Variants in DDX46 observed in about 807,000 individuals in gnomAD.
The protein encoded by DDX46 is DEAD-box helicase 46.
A neutral mutation model predicts 134.9 loss-of-function variants in DDX46; 30 were observed. The ratio of observed to expected loss-of-function variants is 0.22; its 90% CI spans 0.17 to 0.30. DDX46 has a LOEUF of 0.30. DDX46 is among the 10% of genes least tolerant of loss of function. The pLI is 1.00. For missense variants in DDX46, 622 were observed against 1,248.7 expected (o/e 0.50, Z 7.56); for synonymous variants, 415 against 404.1 (o/e 1.03, Z -0.32).
At chr5:134,779,660 G>A (rs146918192) in intron 6 of DDX46, among the ~76,000 whole-genome samples, 19 of 151,544 alleles carry the variant, frequency 1.3e-4, no homozygotes, top group African/African-American at 4.4e-4. Flanking sequence ...CACCACATCT[G>A]GCTAATTGTT....
chr5:134,788,475 A>T, intron 11 of DDX46, 38 bp from the exon 12 acceptor site: 4 of 1,535,324 alleles, frequency 2.6e-6, no homozygotes, highest in Non-Finnish European at 3.6e-6. Flanking sequence ...TTAAGTAAGC[A>T]TTAGTAATAG....
At chr5:134,795,891 A>C (rs925357511) in intron 14 of DDX46, 97 bp from the exon 15 acceptor site, 1 of 1,077,268 alleles carries the variant, frequency 9.3e-7, no homozygotes, top group Non-Finnish European at 1.3e-6. Flanking sequence ...ATAGCAAGAT[A>C]TTGTCATTCA....
chr5:134,779,224 T>C (rs1754054232), intron 6 of DDX46, among the ~76,000 whole-genome samples: 1 of 151,690 alleles, frequency 6.6e-6, no homozygotes, highest in African/African-American at 2.4e-5. Flanking sequence ...GATGGAGTCT[T>C]GCTCTGTTGC....
intron 11 of DDX46, 146 bp downstream of exon 11, chr5:134,785,732 G>C: frequency 1.0e-6 from 1 of 966,898 alleles, no homozygotes; most frequent in Non-Finnish European, 1.5e-6. Flanking sequence ...ATAATAGTAA[G>C]AATTAGTTAT....
At chr5:134,815,725 A>AG (rs1186748832) in intron 18 of DDX46, among the ~76,000 whole-genome samples, 1 of 151,044 alleles carries the variant, frequency 6.6e-6, no homozygotes, top group East Asian at 1.9e-4. Flanking sequence ...AAAAAAAAAA[A>AG]AAAAAAAGAA....
intron 12 of DDX46, among the ~76,000 whole-genome samples, chr5:134,788,838 G>A (rs1014590991): frequency 6.7e-6 from 1 of 148,466 alleles, no homozygotes; most frequent in East Asian, 2.0e-4. Context: ...GACAGAGTAA[G>A]ACTCCGTCTC....
In DDX46 at chr5:134,807,744, G is replaced by T. The variant is rs1261400301; in HGVS notation, c.1955-4G>T. 3 of 1,604,148 alleles carry T rather than the reference G, an allele frequency of 1.9e-6. No homozygotes were observed. The highest frequency in any genetic ancestry group is 4.5e-5 in the East Asian group (2 of 44,704). ...TGTTTTAAAGCTCTCTAATTTACTT[G>T]CAGGCATTGATCAATATGACAGAGA... On this transcript the variant is annotated splice_region_variant and splice_polypyrimidine_tract_variant and intron_variant, in intron 15 of 22. Transcript: ENST00000452510.
chr5:134,805,463 G>A (rs952921052), intron 15 of DDX46, among the ~76,000 whole-genome samples: 1 of 151,436 alleles, frequency 6.6e-6, no homozygotes, highest in African/African-American at 2.4e-5. Context: ...ACCGCTTCTG[G>A]CTGAGGAACT....
At chr5:134,810,880 C>T (rs1172368437) in intron 16 of DDX46, among the ~76,000 whole-genome samples, 1 of 151,832 alleles carries the variant, frequency 6.6e-6, no homozygotes, top group Non-Finnish European at 1.5e-5. Context: ...GTGGCAGGCG[C>T]CTATAATCCC....
chr5:134,758,874 T>C lies in DDX46; in HGVS notation c.-65T>C. ...GCCGGGCGTTGAGGGCAGCTCAGCC[T>C]CCTTGTTTGTCCGGTTCGCCTGTGC... On this transcript the variant is annotated 5_prime_UTR_variant, in exon 1 of 23. Coordinates refer to ENST00000452510, the MANE Select transcript of DDX46 (RefSeq NM_001300860.2). 6.2e-7 allele frequency: 1 copy of C among 1,613,146 alleles called. No individual in the cohort carries two copies. The highest frequency in any genetic ancestry group is 1.3e-5 in the African/African-American group (1 of 75,014).
At chr5:134,762,793 AAGCCTGTAATCCC>A (rs2150127653) in intron 1 of DDX46, among the ~76,000 whole-genome samples, 1 of 151,608 alleles carries the variant, frequency 6.6e-6, no homozygotes, top group East Asian at 2.0e-4. Flanking sequence ...GCAGTGGCCC[AAGCCTGTAATCCC>A]AGCACTTTGG....
intron 11 of DDX46, 53 bp downstream of exon 11, chr5:134,785,639 T>G: frequency 1.3e-6 from 2 of 1,551,532 alleles, no homozygotes; most frequent in South Asian, 1.2e-5. Context: ...AGTTGGATGA[T>G]TCAATAAAGT....
intron 14 of DDX46, 25 bp downstream of exon 14, chr5:134,795,039 C>G (rs746733090): frequency 6.2e-7 from 1 of 1,610,736 alleles, no homozygotes; most frequent in Non-Finnish European, 8.5e-7. Context: ...TAGGAAATTC[C>G]CAGTTTCCTT....
intron 15 of DDX46, among the ~76,000 whole-genome samples, chr5:134,806,126 T>C (rs1754980365): frequency 6.6e-6 from 1 of 151,640 alleles, no homozygotes; most frequent in African/African-American, 2.4e-5. Flanking sequence ...GGCAGGAGAA[T>C]CGCTTGAACC....
chr5:134,796,571 G>C (rs1177141249), intron 15 of DDX46, among the ~76,000 whole-genome samples: 1 of 152,198 alleles, frequency 6.6e-6, no homozygotes, highest in Non-Finnish European at 1.5e-5. Flanking sequence ...ACAAAACACA[G>C]ACCGGGCATG....
intron 1 of DDX46, among the ~76,000 whole-genome samples, chr5:134,762,920 G>C (rs1207819240): frequency 1.3e-5 from 2 of 151,928 alleles, no homozygotes; most frequent in African/African-American, 2.4e-5. Flanking sequence ...TTAGCCTGGC[G>C]TAATGGCGGA....
At chr5:134,805,849 A>G (rs528502601) in intron 15 of DDX46, among the ~76,000 whole-genome samples, 1 of 152,080 alleles carries the variant, frequency 6.6e-6, no homozygotes, top group Admixed American at 6.6e-5. Flanking sequence ...TCTAATTTCT[A>G]ATACATTAAG....
intron 20 of DDX46, among the ~76,000 whole-genome samples, 183 bp downstream of exon 20, chr5:134,817,897 C>T (rs1380516412): frequency 2.0e-5 from 3 of 150,668 alleles, no homozygotes; most frequent in Non-Finnish European, 4.4e-5. Context: ...TCTAAATGAA[C>T]TTATGATGCA....
intron 15 of DDX46, chr5:134,797,172 A>AAAAAAAAAC (rs1234391214): frequency 3.9e-6 from 1 of 258,930 alleles, no homozygotes; most frequent in African/African-American, 2.7e-5. Flanking sequence ...CGTCTCAAAA[A>AAAAAAAAAC]AAAAAAAAAA....
Sources: allele counts gnomAD v4.1 joint callset (sites outside exome capture counted in the v4.1 genomes callset), GRCh38; gene constraint gnomAD v4.1.1; transcripts MANE v1.5; gene names NCBI Gene and HGNC (gene_info 2026-07-23, HGNC 2026-07-21).